The following SLC38A12 variants were observed in gnomAD, a reference collection of about 807,000 sequenced individuals.
SLC38A12 encodes the protein solute carrier family 38 member 12, also known as putative sodium-coupled neutral amino acid transporter 12.
the SLC38A12 span, among the ~76,000 whole-genome samples, chr17:74,794,625 C>G: frequency 0.03 from 4,552 of 151,928 alleles, 242 homozygotes; most frequent in African/African-American, 0.11. Flanking sequence ...TTGGCTGACA[C>G]CAGAGGGGGC....
chr17:74,796,441 T>C, the SLC38A12 span, among the ~76,000 whole-genome samples: 1 of 152,180 alleles, frequency 6.6e-6, no homozygotes, highest in African/African-American at 2.4e-5. Context: ...AGAGCCAGGC[T>C]TTTCAGGGAG....
the SLC38A12 span, chr17:74,791,183 G>C: frequency 3.0e-6 from 2 of 655,998 alleles, no homozygotes; most frequent in Non-Finnish European, 2.6e-6. Context: ...CACCTGAGAA[G>C]CCACCTTGCT....
At chr17:74,838,745 G>A in the SLC38A12 span, 2 of 1,458,644 alleles carry the variant, frequency 1.4e-6, no homozygotes, top group Non-Finnish European at 1.8e-6. Context: ...GGCCAATGGG[G>A]CTTGGGGCCA....
the SLC38A12 span, chr17:74,777,483 C>T: frequency 6.3e-7 from 1 of 1,575,718 alleles, no homozygotes; most frequent in Non-Finnish European, 8.7e-7. Flanking sequence ...TTGAGCAGAC[C>T]ATAGTGGAAG....
chr17:74,806,408 C>A, the SLC38A12 span, among the ~76,000 whole-genome samples: 1 of 152,196 alleles, frequency 6.6e-6, no homozygotes, highest in Non-Finnish European at 1.5e-5. Flanking sequence ...CATCCCCTCC[C>A]TCCTCCTTGA....
chr17:74,837,344 G>A, the SLC38A12 span: 91 of 985,532 alleles, frequency 9.2e-5, no homozygotes, highest in South Asian at 2.8e-4. Context: ...CGCGAGCTCC[G>A]GAGTAGCAGG....
At chr17:74,820,196 A>C in the SLC38A12 span, among the ~76,000 whole-genome samples, 1 of 152,220 alleles carries the variant, frequency 6.6e-6, no homozygotes, top group African/African-American at 2.4e-5. Context: ...GGGGGCTCCC[A>C]AAGGCCTGGG....
the SLC38A12 span, among the ~76,000 whole-genome samples, chr17:74,818,877 A>T: frequency 6.6e-6 from 1 of 152,038 alleles, no homozygotes; most frequent in African/African-American, 2.4e-5. Flanking sequence ...TGGAAATCCT[A>T]ACCTTCCCCA....
At chr17:74,782,094 G>A in the SLC38A12 span, among the ~76,000 whole-genome samples, 18 of 152,264 alleles carry the variant, frequency 1.2e-4, no homozygotes, top group South Asian at 1.2e-3. Context: ...AGCTGTAACC[G>A]TAGTTGTTTT....
At chr17:74,809,169 G>A in the SLC38A12 span, among the ~76,000 whole-genome samples, 1 of 152,186 alleles carries the variant, frequency 6.6e-6, no homozygotes. Context: ...ATTCAGAGGA[G>A]GTGGTTCAGA....
At chr17:74,780,985 G>GC in the SLC38A12 span, among the ~76,000 whole-genome samples, 68 of 152,304 alleles carry the variant, frequency 4.5e-4, no homozygotes, top group Admixed American at 8.5e-4. Flanking sequence ...CGGTGATCCT[G>GC]CCCCCCAGAG....
chr17:74,789,690 A>G, the SLC38A12 span, among the ~76,000 whole-genome samples: 2 of 151,666 alleles, frequency 1.3e-5, no homozygotes. Flanking sequence ...TACTAAAAAT[A>G]CAAAATTAGC....
chr17:74,791,110 A>G, the SLC38A12 span: 2 of 1,340,110 alleles, frequency 1.5e-6, no homozygotes, highest in East Asian at 2.4e-5. Flanking sequence ...CACCCTTGTA[A>G]TGAGGGCTCC....
At chr17:74,837,205 C>T in the SLC38A12 span, 85 of 985,862 alleles carry the variant, frequency 8.6e-5, no homozygotes, top group African/African-American at 1.4e-3. Context: ...GCAGGGCCCA[C>T]CCTCCCACCA....
chr17:74,837,827 TCTA>T, the SLC38A12 span: 1 of 985,912 alleles, frequency 1.0e-6, no homozygotes, highest in African/African-American at 1.7e-5. Flanking sequence ...CAACGTGCCT[TCTA>T]CTGCTTCAGG....
chr17:74,817,232 A>G, the SLC38A12 span, among the ~76,000 whole-genome samples: 2 of 151,962 alleles, frequency 1.3e-5, no homozygotes, highest in South Asian at 4.2e-4. Flanking sequence ...TCGCAGTCCT[A>G]TGGAAGGGCT....
At chr17:74,830,952 C>G in the SLC38A12 span, among the ~76,000 whole-genome samples, 1 of 152,222 alleles carries the variant, frequency 6.6e-6, no homozygotes, top group Non-Finnish European at 1.5e-5. Flanking sequence ...GGCGACCTCG[C>G]GGGGCCTCAG....
chr17:74,835,563 A>G, the SLC38A12 span, among the ~76,000 whole-genome samples: 1 of 152,136 alleles, frequency 6.6e-6, no homozygotes, highest in Non-Finnish European at 1.5e-5. Flanking sequence ...AGCCCCTGAG[A>G]GCCCTGGGGG....
chr17:74,838,669 G>A, the SLC38A12 span: 1 of 1,411,916 alleles, frequency 7.1e-7, no homozygotes, highest in African/African-American at 1.4e-5. Flanking sequence ...GCTCCTCAGT[G>A]TCCTCCTGCT....
Sources: gnomAD v4.1 joint callset for allele counts (sites outside exome capture counted in the v4.1 genomes callset) on GRCh38, gnomAD v4.1.1 for gene constraint, MANE v1.5 for transcripts, NCBI Gene and HGNC (gene_info 2026-07-23, HGNC 2026-07-21) for gene names.